The following PRDM16 variants were observed in gnomAD, a reference collection of about 807,000 sequenced individuals.
PRDM16 encodes the protein PR/SET domain 16, also known as histone-lysine N-methyltransferase PRDM16.
In PRDM16, 23 loss-of-function variants were observed where a neutral mutation model predicts 110.6. That is an observed-to-expected ratio of 0.21 (90% CI 0.15 to 0.29). PRDM16 has a LOEUF of 0.29. Among genes scored for constraint, PRDM16 ranks in the 10% least tolerant of loss-of-function variants. The probability of loss-of-function intolerance (pLI) is 1.00; values close to 1 mark genes in which losing one functional copy is unlikely to be tolerated. For synonymous variants in PRDM16, 799 were observed against 781.8 expected, an observed-to-expected ratio of 1.02 and a Z score of -0.37; for missense variants, 1,615 against 1,794.3, an observed-to-expected ratio of 0.90 and a Z score of 1.81.
chr1:3,331,710 C>G (rs541433781), intron 3 of PRDM16, among the ~76,000 whole-genome samples: 1 of 152,238 alleles, frequency 6.6e-6, no homozygotes, highest in Non-Finnish European at 1.5e-5. Context: ...CCTTCCTCCC[C>G]GTTGCCTGGC....
At chr1:3,274,744 C>G (rs1640544823) in intron 3 of PRDM16, among the ~76,000 whole-genome samples, 1 of 152,204 alleles carries the variant, frequency 6.6e-6, no homozygotes, top group South Asian at 2.1e-4. Context: ...AGTTTGGTAG[C>G]CATTAGGGAA....
intron 3 of PRDM16, among the ~76,000 whole-genome samples, chr1:3,329,387 G>C (rs1204422668): frequency 1.3e-5 from 2 of 151,776 alleles, no homozygotes; most frequent in Non-Finnish European, 2.9e-5. Context: ...TCCCGACTGT[G>C]TCTCGCTATC....
chr1:3,282,508 G>A lies in PRDM16; in HGVS notation c.438+38371G>A, dbSNP rs187690531. Among the ~76,000 whole-genome samples, 425 of 152,342 alleles carry A rather than the reference G, an allele frequency of 2.8e-3. 6 individuals carry two copies. The highest frequency in any genetic ancestry group is 9.1e-3 in the South Asian group (44 of 4,828). On this transcript the variant is annotated intron_variant, in intron 3 of 16. Coordinates refer to ENST00000270722, the MANE Select transcript of PRDM16 (RefSeq NM_022114.4). ...TCAGCTCTGTCCCAGCGGGCACTTA[G>A]CTGAGGATACCCCTGATGCTGCTCC...
At chr1:3,185,803 G>A (rs1286618815) in intron 1 of PRDM16, among the ~76,000 whole-genome samples, 2 of 152,232 alleles carry the variant, frequency 1.3e-5, no homozygotes, top group Admixed American at 6.5e-5. Context: ...CTTAGGGCAG[G>A]ACCACCCGGC....
chr1:3,380,013 AGTGC>A (rs1643074132), intron 3 of PRDM16, among the ~76,000 whole-genome samples: 4 of 88,332 alleles, frequency 4.5e-5, no homozygotes, highest in Admixed American at 1.3e-4. Context: ...CACCCCTCCC[AGTGC>A]AATCCCTCAC....
chr1:3,397,256 C>T (rs1643400092), intron 5 of PRDM16, among the ~76,000 whole-genome samples: 1 of 152,250 alleles, frequency 6.6e-6, no homozygotes, highest in African/African-American at 2.4e-5. Context: ...CCCGCTCTTC[C>T]AGACAGGGCT....
At chr1:3,227,616 T>C (rs1413459906) in intron 2 of PRDM16, among the ~76,000 whole-genome samples, 1 of 152,188 alleles carries the variant, frequency 6.6e-6, no homozygotes, top group Non-Finnish European at 1.5e-5. Flanking sequence ...GGGCCCCAAA[T>C]CAGCCCCCAG....
rs1346927127 is a variant in PRDM16, at chr1:3,201,749, G to T, written c.387+15275G>T. Among the ~76,000 whole-genome samples, 2 of 152,242 alleles carry T rather than the reference G, an allele frequency of 1.3e-5. No homozygotes were observed. The highest frequency in any genetic ancestry group is 2.9e-5 in the Non-Finnish European group (2 of 68,044). ...CATTCTTCAGCTGGAGCCGAGTAGG[G>T]TCGTGTCTGCCCCGCTTCCACGCGA... is the stretch of plus-strand genomic sequence containing the variant. On this transcript the variant is annotated intron_variant, in intron 2 of 16. Transcript: ENST00000270722. The surrounding 1 kb of genome is among the most constrained non-coding windows in gnomAD (Gnocchi z 4.1).
At chr1:3,132,139 A>T (rs2100685415) in intron 1 of PRDM16, among the ~76,000 whole-genome samples, 1 of 152,146 alleles carries the variant, frequency 6.6e-6, no homozygotes, top group East Asian at 1.9e-4. Context: ...TATTTATCTG[A>T]GTTTGGGGTT....
chr1:3,220,914 G>T (rs1639136424), intron 2 of PRDM16, among the ~76,000 whole-genome samples: 1 of 152,226 alleles, frequency 6.6e-6, no homozygotes, highest in Admixed American at 6.5e-5. Context: ...CACCACAGTG[G>T]CAGAGCCAGC....
At position 3,194,556 on chromosome 1, in the gene PRDM16, G is replaced by A. The variant is rs139551108; in HGVS notation, c.387+8082G>A. ...TGATAATATCAAGGCTGGACTCTGC[G>A]GCAACTGGCCACTGTCTCCCCACCA... On this transcript the variant is annotated intron_variant, in intron 2 of 16. Transcript: ENST00000270722. Among the ~76,000 whole-genome samples, 744 of 150,894 alleles carry A rather than the reference G, an allele frequency of 4.9e-3. 1 individual carries two copies. Among genetic ancestry groups the A allele is most frequent in the Non-Finnish European group, 8.0e-3 (540 of 67,892 alleles).
At chr1:3,193,813 G>A (rs1638380981) in intron 2 of PRDM16, among the ~76,000 whole-genome samples, 1 of 152,206 alleles carries the variant, frequency 6.6e-6, no homozygotes, top group African/African-American at 2.4e-5. Context: ...AGACCTGAGG[G>A]CAGAGGCTGG....
chr1:3,380,485 G>T (rs76419782), intron 3 of PRDM16, among the ~76,000 whole-genome samples: 4 of 152,094 alleles, frequency 2.6e-5, no homozygotes, highest in Non-Finnish European at 4.4e-5. Flanking sequence ...GCCAGAGAGG[G>T]GACCCCACCC....
intron 3 of PRDM16, among the ~76,000 whole-genome samples, chr1:3,263,365 C>T (rs530485431): frequency 2.0e-4 from 30 of 152,318 alleles, no homozygotes; most frequent in African/African-American, 7.0e-4. Context: ...GTAGACAGAG[C>T]GTGCCGCTCT....
intron 2 of PRDM16, among the ~76,000 whole-genome samples, chr1:3,194,651 ACCGTCTCCCCG>A (rs1638413322): frequency 6.8e-6 from 1 of 146,398 alleles, no homozygotes; most frequent in Non-Finnish European, 1.5e-5. Context: ...GCCACACGCC[ACCGTCTCCCCG>A]CCACATGCCA....
intron 3 of PRDM16, among the ~76,000 whole-genome samples, chr1:3,365,308 C>T (rs557000481): frequency 2.8e-4 from 42 of 152,302 alleles, no homozygotes; most frequent in African/African-American, 9.1e-4. Context: ...GTGTGTCACA[C>T]GTGTGCCAGA....
chr1:3,100,699 C>T (rs183139117), intron 1 of PRDM16, among the ~76,000 whole-genome samples: 139 of 152,244 alleles, frequency 9.1e-4, no homozygotes, highest in Middle Eastern at 3.4e-3. Flanking sequence ...GTGAGGTTCC[C>T]GTGAGGAAGA....
intron 1 of PRDM16, among the ~76,000 whole-genome samples, chr1:3,182,356 C>T (rs767764265): frequency 6.8e-4 from 104 of 152,146 alleles, no homozygotes; most frequent in Admixed American, 1.1e-3. Context: ...GGCAGGTGGA[C>T]GGTGGTGAGG....
rs1193511033 is a variant in PRDM16, at chr1:3,436,754, A to G, written c.*2943A>G. ...GCTGTCACCACACCGTAACGGGGCC[A>G]TGTAACTGTGCAGCATGGACAGGGA... On this transcript the variant is annotated 3_prime_UTR_variant, in exon 17 of 17. Coordinates refer to ENST00000270722, the MANE Select transcript of PRDM16 (RefSeq NM_022114.4). 1.7e-5 allele frequency: 4 copies of G among 232,730 alleles called. No homozygotes were observed. Among genetic ancestry groups the G allele is most frequent in the East Asian group, 6.0e-5 (1 of 16,532 alleles). The allele number at this position is 232,730 out of a possible 1,614,324, so 14.4% of individuals were successfully genotyped here.
Sources: gnomAD v4.1 joint callset for allele counts (sites outside exome capture counted in the v4.1 genomes callset) on GRCh38, gnomAD v4.1.1 for gene constraint, Gnocchi (gnomAD v3.1) non-coding constraint, MANE v1.5 for transcripts, NCBI Gene and HGNC (gene_info 2026-07-23, HGNC 2026-07-21) for gene names.